PPARGC1B: variants seen among roughly 807,000 people sequenced by gnomAD.
PPARGC1B encodes PPARG coactivator 1 beta, also known as peroxisome proliferator-activated receptor gamma coactivator 1-beta.
Under a neutral mutation model 101.6 loss-of-function variants are expected in PPARGC1B, and 34 were observed. The ratio of observed to expected loss-of-function variants is 0.33; its 90% CI spans 0.25 to 0.45. The LOEUF (loss-of-function observed/expected upper bound fraction) is 0.45, where lower values mean the gene tolerates loss of function less well. Ranked by LOEUF, PPARGC1B falls within the 20% of genes least tolerant of loss-of-function variation. The pLI, the probability that PPARGC1B is intolerant of heterozygous loss-of-function variation, is 1.00. For synonymous variants in PPARGC1B, 548 were observed against 539.3 expected, an observed-to-expected ratio of 1.02 and a Z score of -0.22; for missense variants, 1,234 against 1,317.6, an observed-to-expected ratio of 0.94 and a Z score of 0.98.
chr5:149,759,360 CTTTA>C (rs1755640193), intron 1 of PPARGC1B, among the ~76,000 whole-genome samples: 1 of 152,106 alleles, frequency 6.6e-6, no homozygotes, highest in Non-Finnish European at 1.5e-5. Context: ...TTGTTTGCCT[CTTTA>C]TTTATTTGTA....
At chr5:149,805,968 C>T (rs1336173754) in intron 1 of PPARGC1B, among the ~76,000 whole-genome samples, 3 of 152,256 alleles carry the variant, frequency 2.0e-5, no homozygotes, top group Non-Finnish European at 4.4e-5. Context: ...AGCTCCCACG[C>T]TGTGCAGCAG....
chr5:149,799,788 C>A (rs1484324113), intron 1 of PPARGC1B, among the ~76,000 whole-genome samples: 1 of 148,380 alleles, frequency 6.7e-6, no homozygotes, highest in Non-Finnish European at 1.5e-5. Flanking sequence ...ACCTCCGCCT[C>A]CCGGGTTCAA....
intron 1 of PPARGC1B, among the ~76,000 whole-genome samples, chr5:149,750,453 A>T (rs866237158): frequency 2.8e-4 from 35 of 123,216 alleles, no homozygotes; most frequent in African/African-American, 1.1e-3. Flanking sequence ...TTTTAGTTAA[A>T]ATATATATAT....
chr5:149,801,803 C>T (rs4705382), intron 1 of PPARGC1B, among the ~76,000 whole-genome samples: 63,456 of 151,882 alleles, frequency 0.42, 13,725 homozygotes, highest in Admixed American at 0.54. Context: ...AACTCAGTGA[C>T]TGGGTGTGAG....
At position 149,832,370 on chromosome 5, in the gene PPARGC1B, C is replaced by T. The variant is rs990239505; in HGVS notation, c.583-286C>T. Among the ~76,000 whole-genome samples the T allele has an allele frequency of 5.9e-5, 9 of 152,006 alleles. No individual in the cohort carries two copies. The highest frequency in any genetic ancestry group is 1.5e-4 in the African/African-American group (6 of 41,372). On this transcript the variant is annotated intron_variant, in intron 4 of 11. Transcript: ENST00000309241. This position sits in a 1 kb window ranked among gnomAD's most constrained non-coding sequence, Gnocchi z 4.9. The stretch of plus-strand genomic sequence containing the variant: ...GGCTGAGGGGTACGGAGCAGGGAGG[C>T]GGAATGGTCAGAGTGGGGCTTTGTC...
intron 1 of PPARGC1B, among the ~76,000 whole-genome samples, chr5:149,805,631 G>A (rs926559982): frequency 1.3e-5 from 2 of 152,082 alleles, no homozygotes; most frequent in Admixed American, 1.3e-4. Flanking sequence ...GTAGAGATGG[G>A]GTTTTGCCAT....
intron 1 of PPARGC1B, chr5:149,771,891 T>G: frequency 4.0e-6 from 3 of 753,802 alleles, no homozygotes; most frequent in Non-Finnish European, 5.8e-6. Flanking sequence ...TTTCATCCTG[T>G]TTAAGTGATG....
chr5:149,733,652 G>A (rs1405956696), intron 1 of PPARGC1B, among the ~76,000 whole-genome samples: 1 of 152,186 alleles, frequency 6.6e-6, no homozygotes, highest in Non-Finnish European at 1.5e-5. Context: ...GTCCTGCCAA[G>A]CAGAAGCTCC....
chr5:149,774,748 T>A (rs1266252407), intron 1 of PPARGC1B, among the ~76,000 whole-genome samples: 2 of 152,002 alleles, frequency 1.3e-5, no homozygotes, highest in African/African-American at 4.8e-5. Flanking sequence ...CTCCTGCCTC[T>A]GGCCCTATAC....
intron 1 of PPARGC1B, among the ~76,000 whole-genome samples, chr5:149,734,536 G>A (rs1187261108): frequency 1.3e-5 from 2 of 151,068 alleles, no homozygotes; most frequent in African/African-American, 4.9e-5. Context: ...ATCCTTTATC[G>A]TTACTCATTT....
In PPARGC1B at chr5:149,804,401, C is replaced by T. The variant is rs370332615; in HGVS notation, c.79-16032C>T. 8.5e-4 allele frequency among the ~76,000 whole-genome samples: 129 copies of T among 152,234 alleles called. 1 individual carries two copies. The South Asian group carries it at 0.025, about 30-fold the overall frequency. Reference sequence around the variant, plus strand: ...TAAAACACAGTGATGCGGCCGGGTGCGGTGGCTCACACCTATAATCCCAGC... The same window carrying T: ...TAAAACACAGTGATGCGGCCGGGTGTGGTGGCTCACACCTATAATCCCAGC... On this transcript the variant is annotated intron_variant, in intron 1 of 11. Transcript: ENST00000309241.
At chr5:149,855,243 C>A (rs1759917904), downstream of PPARGC1B, among the ~76,000 whole-genome samples, 1 of 152,146 alleles carries the variant, frequency 6.6e-6, no homozygotes, top group Non-Finnish European at 1.5e-5. Flanking sequence ...GGTGGGGGAT[C>A]ACTTGAGCCC....
intron 2 of PPARGC1B, among the ~76,000 whole-genome samples, chr5:149,822,899 G>C (rs1758361041): frequency 6.6e-6 from 1 of 152,176 alleles, no homozygotes; most frequent in African/African-American, 2.4e-5. Context: ...CACTAACTTG[G>C]ACAGTTTCTT....
At chr5:149,788,658 A>G (rs1302221389) in intron 1 of PPARGC1B, among the ~76,000 whole-genome samples, 2 of 152,212 alleles carry the variant, frequency 1.3e-5, no homozygotes, top group Non-Finnish European at 2.9e-5. Context: ...TCACAATAGC[A>G]TAGACTTGGA....
At position 149,732,060 on chromosome 5, in the gene PPARGC1B, G is replaced by A. The variant is rs921466127; in HGVS notation, c.78+1640G>A. On this transcript the variant is annotated intron_variant, in intron 1 of 11. Coordinates refer to ENST00000309241, the MANE Select transcript of PPARGC1B (RefSeq NM_133263.4). Reference sequence around the variant, plus strand: ...TGCGCGCGCGGGTGTGTGTGTGTGTGTGTGTGTGTGTGTGTGTGCACACGC... The same window carrying A: ...TGCGCGCGCGGGTGTGTGTGTGTGTATGTGTGTGTGTGTGTGTGCACACGC... 1.6e-3 allele frequency among the ~76,000 whole-genome samples: 250 copies of A among 152,074 alleles called. 1 individual carries two copies. Among genetic ancestry groups the A allele is most frequent in the Non-Finnish European group, 2.6e-3 (175 of 67,946 alleles).
Position 149,806,800 on chromosome 5 carries a change from G to C in PPARGC1B, c.79-13633G>C, listed in dbSNP as rs534384822. 5.3e-5 allele frequency among the ~76,000 whole-genome samples: 8 copies of C among 152,020 alleles called. No individual in the cohort carries two copies. The South Asian group carries it at 1.7e-3, about 32-fold the overall frequency. Reference sequence around the variant, plus strand: ...TTTTTGTATTTTTAGTAGAGACGGGGTTTCACCATATTGGTCAGCTGCTCT... The same window carrying C: ...TTTTTGTATTTTTAGTAGAGACGGGCTTTCACCATATTGGTCAGCTGCTCT... On this transcript the variant is annotated intron_variant, in intron 1 of 11. Transcript: ENST00000309241.
chr5:149,780,339 G>T (rs1172686703), intron 1 of PPARGC1B, among the ~76,000 whole-genome samples: 1 of 152,204 alleles, frequency 6.6e-6, no homozygotes, highest in Non-Finnish European at 1.5e-5. Flanking sequence ...ACCTTGAATT[G>T]GGTGCAGGAT....
rs1028095301 is a variant in PPARGC1B, at chr5:149,830,797, C to G, written c.496C>G (p.Pro166Ala). Residue 166 changes from proline (P) to alanine (A), a missense_variant, in exon 4 of 12, where the codon CCA becomes GCA. Physicochemically the swap from Pro to Ala is conservative, Grantham distance 27. This residue lies in a region of PPARGC1B where 734 missense variants were observed against 768.4 expected (regional missense o/e 0.96). Coordinates refer to ENST00000309241, the MANE Select transcript of PPARGC1B (RefSeq NM_133263.4). ...LQKLLLATSY[P>A]TSSSDTQKEG... Reference sequence around the variant, plus strand: ...GAAGCTCCTCCTGGCCACATCCTACCCAACATCAAGCTCTGACACCCAGAA... The same window carrying G: ...GAAGCTCCTCCTGGCCACATCCTACGCAACATCAAGCTCTGACACCCAGAA... The G allele has an allele frequency of 9.9e-6, 16 of 1,614,018 alleles. No individual in the cohort carries two copies. In the Admixed American group the frequency reaches 1.7e-4, roughly 17 times the overall value.
At chr5:149,757,313 C>T (rs180848950) in intron 1 of PPARGC1B, among the ~76,000 whole-genome samples, 43 of 151,102 alleles carry the variant, frequency 2.8e-4, no homozygotes, top group African/African-American at 7.8e-4. Flanking sequence ...TGGGATCCAA[C>T]GGGAACTACA....
Sources: gnomAD v4.1 joint callset for allele counts (sites outside exome capture counted in the v4.1 genomes callset) on GRCh38, gnomAD v4.1.1 for gene constraint, gnomAD v4.1.1 regional missense constraint, Gnocchi (gnomAD v3.1) non-coding constraint, MANE v1.5 for transcripts, NCBI Gene and HGNC (gene_info 2026-07-23, HGNC 2026-07-21) for gene names.